The following CARS1 variants were observed in gnomAD, a reference collection of about 807,000 sequenced individuals.
CARS1 encodes the protein cysteinyl-tRNA synthetase 1, also known as cysteine--tRNA ligase, cytoplasmic.
A neutral mutation model predicts 106.2 loss-of-function variants in CARS1; 48 were observed. That is an observed-to-expected ratio of 0.45 (90% CI 0.36 to 0.57). CARS1 has a LOEUF of 0.57. Ranked by LOEUF, CARS1 falls within the 20% of genes least tolerant of loss-of-function variation. The pLI is 0.00. For missense variants in CARS1, 968 were observed against 1,057.2 expected, an observed-to-expected ratio of 0.92 and a Z score of 1.17; for synonymous variants, 409 against 403.4, an observed-to-expected ratio of 1.01 and a Z score of -0.17.
At position 3,017,083 on chromosome 11, in the gene CARS1, C is replaced by T. The variant is rs564230495; in HGVS notation, c.1917+23G>A. The T allele has an allele frequency of 2.1e-5, 33 of 1,598,560 alleles. No individual in the cohort carries two copies. The highest frequency in any genetic ancestry group is 1.7e-4 in the African/African-American group (13 of 74,766). On this transcript the variant is annotated intron_variant, in intron 16 of 22. Transcript: ENST00000380525. The surrounding 1 kb of genome is among the most constrained non-coding windows in gnomAD (Gnocchi z 4.9). Reference sequence around the variant, plus strand: ...CTGTGTCCACACAGGCTGAGGGATACGCCTGCCTGGGGCCTGGCTTACCTT... The same window carrying T: ...CTGTGTCCACACAGGCTGAGGGATATGCCTGCCTGGGGCCTGGCTTACCTT...
intron 16 of CARS1, among the ~76,000 whole-genome samples, chr11:3,016,235 T>A (rs1424735704): frequency 1.3e-5 from 2 of 151,492 alleles, no homozygotes; most frequent in Non-Finnish European, 3.0e-5. Flanking sequence ...TTTTTTTTTT[T>A]TTTGAGATGG....
chr11:3,005,800 CG>C (rs1053202631), intron 19 of CARS1, among the ~76,000 whole-genome samples: 9 of 152,012 alleles, frequency 5.9e-5, no homozygotes, highest in African/African-American at 2.2e-4. Flanking sequence ...TTAGTGGAGA[CG>C]GGGTTTCACC....
At chr11:3,005,130 G>T (rs1164813545) in intron 20 of CARS1, among the ~76,000 whole-genome samples, 3 of 109,504 alleles carry the variant, frequency 2.7e-5, no homozygotes, top group Non-Finnish European at 3.8e-5. Context: ...AAAAAAAAAA[G>T]TCAGCTTCAC....
chr11:3,001,909 T>A, intron 22 of CARS1, 61 bp downstream of exon 22: 1 of 1,271,758 alleles, frequency 7.9e-7, no homozygotes, highest in Non-Finnish European at 1.1e-6. Flanking sequence ...ATTCCTGTCC[T>A]CCCACTTTAA....
chr11:3,002,721 G>T, intron 20 of CARS1, 121 bp from the exon 21 acceptor site: 2 of 1,488,004 alleles, frequency 1.3e-6, no homozygotes, highest in South Asian at 2.5e-5. Context: ...GCTGAACTCT[G>T]ACCAGGCCCT....
rs1193552556 is a variant in CARS1, at chr11:3,034,377, C to T, written c.801+3673G>A. Among the ~76,000 whole-genome samples the T allele has an allele frequency of 6.6e-6, 1 of 151,940 alleles. No homozygotes were observed. The highest frequency in any genetic ancestry group is 1.5e-5 in the Non-Finnish European group (1 of 68,000). On this transcript the variant is annotated intron_variant, in intron 7 of 22. Coordinates refer to ENST00000380525, the MANE Select transcript of CARS1 (RefSeq NM_001014437.3). This position sits in a 1 kb window ranked among gnomAD's most constrained non-coding sequence, Gnocchi z 6.3. ...CTGGGATTACAGACGCGCGCCACCACATTTGGCTAATTTTTGTATTTTTAG... is the reference window on the plus strand; with the variant it reads ...CTGGGATTACAGACGCGCGCCACCATATTTGGCTAATTTTTGTATTTTTAG...
rs980200936 is a variant in CARS1, at chr11:3,046,509, C to T, written c.274+1244G>A. ...CTGCACAGCAACGGCCTCTGCCCTACGCTGGGGAAGGAGTGTCTGCTGCAG... is the reference window on the plus strand; with the variant it reads ...CTGCACAGCAACGGCCTCTGCCCTATGCTGGGGAAGGAGTGTCTGCTGCAG... On this transcript the variant is annotated intron_variant, in intron 2 of 22. Coordinates refer to ENST00000380525, the MANE Select transcript of CARS1 (RefSeq NM_001014437.3). This position sits in a 1 kb window ranked among gnomAD's most constrained non-coding sequence, Gnocchi z 5.8. Among the ~76,000 whole-genome samples the T allele has an allele frequency of 1.7e-4, 26 of 152,192 alleles. No homozygotes were observed. The highest frequency in any genetic ancestry group is 8.8e-5 in the Non-Finnish European group (6 of 68,042).
intron 17 of CARS1, among the ~76,000 whole-genome samples, chr11:3,012,884 CT>C (rs768906268): frequency 0.049 from 5,773 of 116,852 alleles, 201 homozygotes; most frequent in African/African-American, 0.12. Flanking sequence ...CTATATTTCC[CT>C]TTTTTTTTTT....
chr11:3,012,711 C>T (rs1850599252), intron 17 of CARS1, among the ~76,000 whole-genome samples: 1 of 152,158 alleles, frequency 6.6e-6, no homozygotes, highest in African/African-American at 2.4e-5. Flanking sequence ...GCTGGCGGCT[C>T]CCGGGCCGTG....
rs1479938331 is a variant in CARS1 at position 3,032,350 on chromosome 11, CGT to C, written c.802-2909_802-2908del. Among the ~76,000 whole-genome samples, 3 of 151,950 alleles carry C rather than the reference CGT, an allele frequency of 2.0e-5. No homozygotes were observed. In the East Asian group the frequency reaches 5.8e-4, roughly 29 times the overall value. On this transcript the variant is annotated intron_variant, in intron 7 of 22. Coordinates refer to ENST00000380525, the MANE Select transcript of CARS1 (RefSeq NM_001014437.3). Reference sequence around the variant, plus strand: ...CCTCCCAAAGTGCTGGGAGTTCAGGCGTGAGCCACCGCGCCCGGCCAATAACT... The same window carrying C: ...CCTCCCAAAGTGCTGGGAGTTCAGGCGAGCCACCGCGCCCGGCCAATAACT...
chr11:3,015,674 G>C (rs1326325817), intron 17 of CARS1, 107 bp downstream of exon 17: 3 of 969,806 alleles, frequency 3.1e-6, no homozygotes, highest in African/African-American at 3.2e-5. Flanking sequence ...GTCCGGAAGG[G>C]TCTGGTGTGG....
At chr11:3,010,134 T>A (rs1252182230) in intron 18 of CARS1, among the ~76,000 whole-genome samples, 1 of 152,218 alleles carries the variant, frequency 6.6e-6, no homozygotes, top group Non-Finnish European at 1.5e-5. Flanking sequence ...CTACTTCCAA[T>A]GCTGGCTGGC....
Position 3,052,577 on chromosome 11 carries a change from A to G in CARS1, c.26-4576T>C, listed in dbSNP as rs562759352. The stretch of plus-strand genomic sequence containing the variant: ...AATTCTTAAATGTACCGTCTAGAGC[A>G]GGCTAGACGGCTCATCAAAAGGGAA... On this transcript the variant is annotated intron_variant, in intron 1 of 22. Coordinates refer to ENST00000380525, the MANE Select transcript of CARS1 (RefSeq NM_001014437.3). This position sits in a 1 kb window ranked among gnomAD's most constrained non-coding sequence, Gnocchi z 4.6. Among the ~76,000 whole-genome samples the G allele has an allele frequency of 2.4e-4, 36 of 152,304 alleles. No homozygotes were observed. The highest frequency in any genetic ancestry group is 6.8e-3 in the Middle Eastern group (2 of 294).
Position 3,004,271 on chromosome 11 carries a change from G to T in CARS1, c.2217+1095C>A, listed in dbSNP as rs1315541410. 6.6e-6 allele frequency among the ~76,000 whole-genome samples: 1 copy of T among 152,222 alleles called. No individual in the cohort carries two copies. Among genetic ancestry groups the T allele is most frequent in the African/African-American group, 2.4e-5 (1 of 41,456 alleles). ...AGAGCTTTCCCCAGAGTTCCAGTTC[G>T]TTATTCCTCCAAAGCACTGCAAACT... On this transcript the variant is annotated intron_variant, in intron 20 of 22. Transcript: ENST00000380525. The surrounding 1 kb of genome is among the most constrained non-coding windows in gnomAD (Gnocchi z 5.2).
chr11:3,022,848 C>T lies in CARS1; in HGVS notation c.1154-2516G>A, dbSNP rs1421017031. The stretch of plus-strand genomic sequence containing the variant: ...CACTTGGGCCCCAGCATCACCCCTC[C>T]CCTTTTCCTCTACCATTAGAGTCCC... On this transcript the variant is annotated intron_variant, in intron 10 of 22. Transcript: ENST00000380525. The surrounding 1 kb of genome is among the most constrained non-coding windows in gnomAD (Gnocchi z 4.9). Among the ~76,000 whole-genome samples, 1 of 152,160 alleles carries T rather than the reference C, an allele frequency of 6.6e-6. No homozygotes were observed. Among genetic ancestry groups the T allele is most frequent in the African/African-American group, 2.4e-5 (1 of 41,440 alleles).
At position 3,044,779 on chromosome 11, in the gene CARS1, C is replaced by T. The variant is rs1854907867; in HGVS notation, c.275-2523G>A. Among the ~76,000 whole-genome samples the T allele has an allele frequency of 6.6e-6, 1 of 152,016 alleles. No individual in the cohort carries two copies. The highest frequency in any genetic ancestry group is 1.5e-5 in the Non-Finnish European group (1 of 68,016). ...TGACCTGAGTGATCCAACAACAGACCAACTATGAACCGCTCATGAGAGACA... is the reference window on the plus strand; with the variant it reads ...TGACCTGAGTGATCCAACAACAGACTAACTATGAACCGCTCATGAGAGACA... On this transcript the variant is annotated intron_variant, in intron 2 of 22. Transcript: ENST00000380525. This position sits in a 1 kb window ranked among gnomAD's most constrained non-coding sequence, Gnocchi z 4.4.
chr11:3,015,949 C>CACAAGACA, intron 16 of CARS1, 100 bp from the exon 17 acceptor site: 2 of 991,390 alleles, frequency 2.0e-6, no homozygotes, highest in African/African-American at 3.2e-5. Flanking sequence ...GAGGGGGTGC[C>CACAAGACA]CCAAGACCAG....
intron 18 of CARS1, among the ~76,000 whole-genome samples, chr11:3,010,153 C>T (rs536755298): frequency 6.6e-6 from 1 of 152,376 alleles, no homozygotes; most frequent in African/African-American, 2.4e-5. Context: ...GCTGGTGCCA[C>T]TCTCCAGGCC....
Position 3,001,961 on chromosome 11 carries a change from C to T in CARS1, c.2361+9G>A, listed in dbSNP as rs371396840. On this transcript the variant is annotated intron_variant, in intron 22 of 22. Transcript: ENST00000380525. ...TCTGAATAGAAGAGAAGGATGCTTA[C>T]ATGCTTACATTTTCATCAAACTTGG... The T allele has an allele frequency of 1.3e-6, 2 of 1,596,906 alleles. No homozygotes were observed. Among genetic ancestry groups the T allele is most frequent in the Non-Finnish European group, 1.7e-6 (2 of 1,164,460 alleles).
Sources: allele counts gnomAD v4.1 joint callset (sites outside exome capture counted in the v4.1 genomes callset), GRCh38; gene constraint gnomAD v4.1.1; non-coding constraint Gnocchi (gnomAD v3.1); transcripts MANE v1.5; gene names NCBI Gene and HGNC (gene_info 2026-07-23, HGNC 2026-07-21).